ADGRL3: variants seen among roughly 807,000 people sequenced by gnomAD.
ADGRL3 encodes the protein calcium-independent alpha-latrotoxin receptor 3.
Under a neutral mutation model 153.5 loss-of-function variants are expected in ADGRL3, and 62 were observed. That is an observed-to-expected ratio of 0.40 (90% CI 0.33 to 0.50). ADGRL3 has a LOEUF of 0.50. Among genes scored for constraint, ADGRL3 ranks in the 20% least tolerant of loss-of-function variants. The probability of loss-of-function intolerance (pLI) is 0.47; values close to 1 mark genes in which losing one functional copy is unlikely to be tolerated. For synonymous variants in ADGRL3, 710 were observed against 672.5 expected, an observed-to-expected ratio of 1.06 and a Z score of -0.86; for missense variants, 1,641 against 1,859.4, an observed-to-expected ratio of 0.88 and a Z score of 2.16.
chr4:61,276,022 C>A (rs946564810), intron 1 of ADGRL3, among the ~76,000 whole-genome samples: 2 of 152,084 alleles, frequency 1.3e-5, no homozygotes, highest in Admixed American at 6.6e-5. Context: ...TATAAGGGTG[C>A]AGGCCCAAAA....
At chr4:61,825,571 T>C (rs891945223) in intron 9 of ADGRL3, among the ~76,000 whole-genome samples, 1 of 152,160 alleles carries the variant, frequency 6.6e-6, no homozygotes, top group Non-Finnish European at 1.5e-5. Flanking sequence ...AATGGCTATA[T>C]ACTAAAAATC....
At chr4:61,559,982 C>T (rs1326854725) in intron 4 of ADGRL3, among the ~76,000 whole-genome samples, 1 of 151,966 alleles carries the variant, frequency 6.6e-6, no homozygotes, top group Non-Finnish European at 1.5e-5. Flanking sequence ...GATCCTTAAC[C>T]ATCCCCCACA....
intron 5 of ADGRL3, among the ~76,000 whole-genome samples, chr4:61,637,006 T>C (rs751798040): frequency 6.6e-6 from 1 of 152,130 alleles, no homozygotes; most frequent in Admixed American, 6.6e-5. Flanking sequence ...TAGTGGACTA[T>C]TTTTTGAAAG....
At chr4:61,211,032 A>T (rs6823914) in intron 1 of ADGRL3, among the ~76,000 whole-genome samples, 96,915 of 151,986 alleles carry the variant, frequency 0.64, 31,329 homozygotes, top group Middle Eastern at 0.75. Flanking sequence ...TTATGTATGA[A>T]GTTTAAATAT....
At chr4:61,795,090 T>C (rs1431835740) in intron 8 of ADGRL3, among the ~76,000 whole-genome samples, 9 of 152,246 alleles carry the variant, frequency 5.9e-5, no homozygotes, top group African/African-American at 1.7e-4. Flanking sequence ...AAAACAATTA[T>C]AACTATTCTC....
chr4:61,546,609 A>C (rs1272597409), intron 4 of ADGRL3, among the ~76,000 whole-genome samples: 2 of 152,190 alleles, frequency 1.3e-5, no homozygotes, highest in African/African-American at 4.8e-5. Context: ...CTTCATGTTC[A>C]ATGAAGTCAC....
chr4:61,757,839 T>C (rs181740614), intron 8 of ADGRL3, among the ~76,000 whole-genome samples: 1,570 of 152,328 alleles, frequency 0.01, 26 homozygotes, highest in South Asian at 0.035. Context: ...CTCGTTGATT[T>C]CAAAGAACAT....
intron 5 of ADGRL3, among the ~76,000 whole-genome samples, chr4:61,672,364 A>G (rs1477630506): frequency 6.6e-6 from 1 of 152,040 alleles, no homozygotes; most frequent in African/African-American, 2.4e-5. Flanking sequence ...TTGACCATAA[A>G]CATGTGGATT....
intron 8 of ADGRL3, among the ~76,000 whole-genome samples, chr4:61,773,212 C>T (rs1418974187): frequency 6.6e-6 from 1 of 152,142 alleles, no homozygotes; most frequent in Non-Finnish European, 1.5e-5. Context: ...CAATCATCTG[C>T]ACTAGCACCA....
chr4:61,711,746 T>C (rs999247869), intron 6 of ADGRL3, among the ~76,000 whole-genome samples: 2 of 151,930 alleles, frequency 1.3e-5, no homozygotes, highest in Non-Finnish European at 2.9e-5. Context: ...GTGTGACTTA[T>C]TTGAACCTGC....
intron 6 of ADGRL3, among the ~76,000 whole-genome samples, chr4:61,724,973 T>A (rs2096302347): frequency 6.6e-6 from 1 of 152,166 alleles, no homozygotes; most frequent in African/African-American, 2.4e-5. Context: ...TTATCTTCTC[T>A]AGAGAGTTGC....
rs370192871 is a variant in ADGRL3 at position 61,695,567 on chromosome 4, C to G, written c.583+18632C>G. Reference sequence around the variant, plus strand: ...TAGTTTACCATGATTCTGAATTGCCCTAGGATTTCAAGAATAGTAAATGGG... The same window carrying G: ...TAGTTTACCATGATTCTGAATTGCCGTAGGATTTCAAGAATAGTAAATGGG... On this transcript the variant is annotated intron_variant, in intron 6 of 26. Coordinates refer to ENST00000683033, the MANE Select transcript of ADGRL3 (RefSeq NM_001387552.1). 3.3e-5 allele frequency among the ~76,000 whole-genome samples: 5 copies of G among 152,186 alleles called. No individual in the cohort carries two copies. In the East Asian group the frequency reaches 9.7e-4, roughly 29 times the overall value.
At chr4:61,291,169 G>T (rs2094164462) in intron 1 of ADGRL3, among the ~76,000 whole-genome samples, 1 of 93,200 alleles carries the variant, frequency 1.1e-5, no homozygotes, top group Admixed American at 1.2e-4. Context: ...ATTTTGCCTG[G>T]ATCAATACAC....
At chr4:61,590,866 A>G (rs2098966274) in intron 5 of ADGRL3, among the ~76,000 whole-genome samples, 1 of 152,170 alleles carries the variant, frequency 6.6e-6, no homozygotes, top group African/African-American at 2.4e-5. Flanking sequence ...AAAGAACACA[A>G]GGGCATAGCT....
intron 1 of ADGRL3, among the ~76,000 whole-genome samples, chr4:61,264,909 C>G (rs1294038463): frequency 1.3e-5 from 2 of 151,990 alleles, no homozygotes; most frequent in East Asian, 3.9e-4. Context: ...AGGCCAAGGT[C>G]ATAGGTCTCA....
At chr4:61,836,808 G>T (rs763117255) in intron 9 of ADGRL3, among the ~76,000 whole-genome samples, 1 of 152,106 alleles carries the variant, frequency 6.6e-6, no homozygotes, top group Non-Finnish European at 1.5e-5. Context: ...TAAAAACTTT[G>T]ACTTTATAAA....
At chr4:61,786,684 A>G (rs937507646) in intron 8 of ADGRL3, among the ~76,000 whole-genome samples, 1 of 152,222 alleles carries the variant, frequency 6.6e-6, no homozygotes, top group Admixed American at 6.5e-5. Context: ...GTGTTAAAAA[A>G]TTGTAGCTCT....
At chr4:61,799,020 T>C (rs868410840) in intron 8 of ADGRL3, among the ~76,000 whole-genome samples, 1 of 116,778 alleles carries the variant, frequency 8.6e-6, no homozygotes, top group East Asian at 2.1e-4. Flanking sequence ...TATATATATA[T>C]ATATATATAT....
rs185175903 is a variant in ADGRL3 at position 61,372,970 on chromosome 4, G to A, written c.-239-10154G>A. Among the ~76,000 whole-genome samples, 500 of 152,272 alleles carry A rather than the reference G, an allele frequency of 3.3e-3. 5 individuals are homozygous for A. Among genetic ancestry groups the A allele is most frequent in the African/African-American group, 0.011 (445 of 41,566 alleles). On this transcript the variant is annotated intron_variant, in intron 1 of 26. Coordinates refer to ENST00000683033, the MANE Select transcript of ADGRL3 (RefSeq NM_001387552.1). ...AGCCCGTCGGAAAAGCGCAGTATTC[G>A]GGTGGGAGTGACCCGATTCTCCAGG...
Sources: gnomAD v4.1 joint callset for allele counts (sites outside exome capture counted in the v4.1 genomes callset) on GRCh38, gnomAD v4.1.1 for gene constraint, MANE v1.5 for transcripts, NCBI Gene and HGNC (gene_info 2026-07-23, HGNC 2026-07-21) for gene names.